Variants in RB1 observed in about 807,000 individuals in gnomAD.
The protein encoded by RB1 is RB transcriptional corepressor 1.
In RB1, 18 loss-of-function variants were observed where a neutral mutation model predicts 135.4. That is an observed-to-expected ratio of 0.13 (90% CI 0.09 to 0.20). The LOEUF (loss-of-function observed/expected upper bound fraction) is 0.20. Ranked by LOEUF, RB1 falls within the 10% of genes least tolerant of loss-of-function variation. The pLI, the probability that RB1 is intolerant of heterozygous loss-of-function variation, is 1.00. For missense variants in RB1, 868 were observed against 1,110.0 expected, an observed-to-expected ratio of 0.78 and a Z score of 3.10; for synonymous variants, 365 against 373.2, an observed-to-expected ratio of 0.98 and a Z score of 0.25.
intron 2 of RB1, among the ~76,000 whole-genome samples, chr13:48,324,652 A>G (rs1475989991): frequency 6.6e-6 from 1 of 152,186 alleles, no homozygotes; most frequent in Non-Finnish European, 1.5e-5. Context: ...GGCTGTTGGG[A>G]AAAATGCAGC....
In RB1 at chr13:48,336,157, G is replaced by T. The variant is rs145077114; in HGVS notation, c.265-6442G>T. Among the ~76,000 whole-genome samples, 92 of 152,138 alleles carry T rather than the reference G, an allele frequency of 6.0e-4. 1 individual carries two copies. Among genetic ancestry groups the T allele is most frequent in the South Asian group, 1.0e-3 (5 of 4,816 alleles). ...CAGTCTAAAATTCTCTTTTTTTGTT[G>T]TGTCTCTGCCAGGCTTTGGTATCAG... On this transcript the variant is annotated intron_variant, in intron 2 of 26. Transcript: ENST00000267163.
intron 23 of RB1, among the ~76,000 whole-genome samples, chr13:48,466,179 C>T (rs1949442480): frequency 7.8e-6 from 1 of 128,746 alleles, no homozygotes; most frequent in Non-Finnish European, 1.7e-5. Context: ...TTGAAGAGAG[C>T]AGTGGTTCTC....
intron 2 of RB1, among the ~76,000 whole-genome samples, chr13:48,325,690 A>ATT (rs11289184): frequency 7.9e-4 from 120 of 150,994 alleles, no homozygotes; most frequent in African/African-American, 2.4e-3. Flanking sequence ...CTTTTAGTGG[A>ATT]TTTTTTTTTT....
Position 48,349,035 on chromosome 13 carries a change from A to G in RB1, c.607+12A>G, listed in dbSNP as rs1320501382. On this transcript the variant is annotated intron_variant, in intron 6 of 26. Transcript: ENST00000267163. ...TTTATTAGCTAAAGGTAAGTTCATTATATTTATTAAATGCTAATATTTCAA... is the reference window on the plus strand; with the variant it reads ...TTTATTAGCTAAAGGTAAGTTCATTGTATTTATTAAATGCTAATATTTCAA... The G allele has an allele frequency of 2.5e-6, 4 of 1,585,372 alleles. No individual in the cohort carries two copies. In the Admixed American group the frequency reaches 5.1e-5, roughly 20 times the overall value.
At position 48,337,353 on chromosome 13, in the gene RB1, T is replaced by C. The variant is rs141184413; in HGVS notation, c.265-5246T>C. 2.6e-3 allele frequency among the ~76,000 whole-genome samples: 394 copies of C among 152,226 alleles called. 1 individual carries two copies. Among genetic ancestry groups the C allele is most frequent in the African/African-American group, 9.0e-3 (375 of 41,536 alleles). On this transcript the variant is annotated intron_variant, in intron 2 of 26. Coordinates refer to ENST00000267163, the MANE Select transcript of RB1 (RefSeq NM_000321.3). Reference sequence around the variant, plus strand: ...GTCTCTAAGGACTTGCTTTATGAATTTGGGTGCTCCTGTATTGGGTGCATA... The same window carrying C: ...GTCTCTAAGGACTTGCTTTATGAATCTGGGTGCTCCTGTATTGGGTGCATA...
At chr13:48,353,697 A>C (rs920311247) in intron 6 of RB1, among the ~76,000 whole-genome samples, 1 of 152,176 alleles carries the variant, frequency 6.6e-6, no homozygotes, top group African/African-American at 2.4e-5. Context: ...ATCTTCAACA[A>C]AACACTAGCA....
intron 17 of RB1, among the ~76,000 whole-genome samples, chr13:48,397,798 T>G (rs780761162): frequency 6.6e-6 from 1 of 152,184 alleles, no homozygotes; most frequent in Non-Finnish European, 1.5e-5. Context: ...TTAAGCTTTT[T>G]TGGTATTCTT....
intron 17 of RB1, chr13:48,412,714 A>G: frequency 2.2e-6 from 1 of 457,256 alleles, no homozygotes; most frequent in Non-Finnish European, 4.1e-6. Flanking sequence ...TAAAAAATAC[A>G]GTCAACGAGT....
chr13:48,360,165 C>T, intron 7 of RB1, 38 bp downstream of exon 7: 1 of 1,609,376 alleles, frequency 6.2e-7, no homozygotes, highest in Non-Finnish European at 8.5e-7. Flanking sequence ...CTTTCTCATT[C>T]AGCAGTTGCT....
At chr13:48,374,902 G>GGAGTGT (rs1445336874) in intron 12 of RB1, among the ~76,000 whole-genome samples, 1 of 151,872 alleles carries the variant, frequency 6.6e-6, no homozygotes, top group Non-Finnish European at 1.5e-5. Context: ...GTCTATTGCT[G>GGAGTGT]CCATCTTTAT....
At chr13:48,325,168 C>T (rs928619626) in intron 2 of RB1, among the ~76,000 whole-genome samples, 15 of 152,208 alleles carry the variant, frequency 9.9e-5, no homozygotes, top group Non-Finnish European at 1.9e-4. Flanking sequence ...GTGTCTTGTT[C>T]CCCTGTGTGT....
chr13:48,323,590 T>TA (rs1952260128), intron 2 of RB1, among the ~76,000 whole-genome samples: 1 of 152,102 alleles, frequency 6.6e-6, no homozygotes, highest in African/African-American at 2.4e-5. Flanking sequence ...ATAACTCTAT[T>TA]AAAGTTCATC....
At chr13:48,439,509 G>GT (rs894576081) in intron 17 of RB1, 2 of 152,082 alleles carry the variant, frequency 1.3e-5, no homozygotes, top group Non-Finnish European at 2.9e-5. Flanking sequence ...ATCCTCACCA[G>GT]TCCACACAAC....
intron 6 of RB1, among the ~76,000 whole-genome samples, chr13:48,357,188 A>C (rs976536726): frequency 4.0e-5 from 6 of 151,616 alleles, no homozygotes; most frequent in African/African-American, 1.5e-4. Context: ...CTATTCAGCT[A>C]GGTTGTTCTA....
At chr13:48,416,051 C>T (rs1157563239) in intron 17 of RB1, among the ~76,000 whole-genome samples, 5 of 152,152 alleles carry the variant, frequency 3.3e-5, no homozygotes, top group African/African-American at 1.2e-4. Context: ...GAGATCTCTA[C>T]ACTTCTGGAA....
At chr13:48,418,488 A>G (rs1044716967) in intron 17 of RB1, among the ~76,000 whole-genome samples, 2 of 152,186 alleles carry the variant, frequency 1.3e-5, no homozygotes, top group Non-Finnish European at 2.9e-5. Flanking sequence ...CTAATGGGCA[A>G]ACTAACTGGC....
chr13:48,465,320 A>T lies in RB1; in HGVS notation c.2441A>T (p.Lys814Ile), dbSNP rs1566237785. 6.2e-7 allele frequency: 1 copy of T among 1,611,462 alleles called. No homozygotes were observed. The highest frequency in any genetic ancestry group is 8.5e-7 in the Non-Finnish European group (1 of 1,177,612). The change falls in exon 23 of 27, where the codon AAA becomes ATA. Residue 814 changes from lysine to isoleucine, a missense_variant. This residue lies in a region of RB1 where 196 missense variants were observed against 239.8 expected (regional missense o/e 0.82). Transcript: ENST00000267163. ...ATTTCACCCCTGAAGAGTCCATATA[A>T]AATTTCAGAAGGTCTGCCAACACCA... The part of the protein sequence containing the change: ...IYISPLKSPY[K>I]ISEGLPTPTK...
chr13:48,416,499 G>A, intron 17 of RB1: 1 of 153,052 alleles, frequency 6.5e-6, no homozygotes, highest in Non-Finnish European at 1.5e-5. Flanking sequence ...GCACAAAACT[G>A]GGCAGCCGTT....
At chr13:48,325,690 A>AT (rs11289184) in intron 2 of RB1, among the ~76,000 whole-genome samples, 2,584 of 150,984 alleles carry the variant, frequency 0.017, 78 homozygotes, top group African/African-American at 0.06. Context: ...CTTTTAGTGG[A>AT]TTTTTTTTTT....
Sources: gnomAD v4.1 joint callset for allele counts (sites outside exome capture counted in the v4.1 genomes callset) on GRCh38, gnomAD v4.1.1 for gene constraint, gnomAD v4.1.1 regional missense constraint, MANE v1.5 for transcripts, NCBI Gene and HGNC (gene_info 2026-07-23, HGNC 2026-07-21) for gene names.